The following ATXN7 variants were observed in gnomAD, a reference collection of about 807,000 sequenced individuals.
The protein encoded by ATXN7 is ataxin 7.
A neutral mutation model predicts 70.5 loss-of-function variants in ATXN7; 12 were observed. The ratio of observed to expected loss-of-function variants is 0.17; its 90% CI spans 0.11 to 0.28. The LOEUF (loss-of-function observed/expected upper bound fraction) is 0.28. Among genes scored for constraint, ATXN7 ranks in the 10% least tolerant of loss-of-function variants. The probability of loss-of-function intolerance (pLI) is 1.00; values close to 1 mark genes in which losing one functional copy is unlikely to be tolerated. For missense variants in ATXN7, 1,256 were observed against 1,131.7 expected, an observed-to-expected ratio of 1.11 and a Z score of -1.58; for synonymous variants, 498 against 448.7, an observed-to-expected ratio of 1.11 and a Z score of -1.39.
intron 5 of ATXN7, among the ~76,000 whole-genome samples, chr3:63,955,109 C>T (rs1024733643): frequency 3.9e-5 from 6 of 152,148 alleles, no homozygotes; most frequent in African/African-American, 1.4e-4. Context: ...AATGACAAAG[C>T]GTTGGTGATA....
rs1044828551 is a variant in ATXN7, at chr3:63,877,235, C to T, written c.-111+13077C>T. 4.6e-5 allele frequency among the ~76,000 whole-genome samples: 7 copies of T among 151,900 alleles called. No individual in the cohort carries two copies. In the South Asian group the frequency reaches 8.3e-4, roughly 18 times the overall value. On this transcript the variant is annotated intron_variant, in intron 1 of 12. Transcript: ENST00000674280. Reference sequence around the variant, plus strand: ...CAGAGGTTTTTGTTTAATTTTTTTTCGTGATTACAGAAATCATAAGTGTTT... The same window carrying T: ...CAGAGGTTTTTGTTTAATTTTTTTTTGTGATTACAGAAATCATAAGTGTTT...
At chr3:63,867,407 T>G (rs558756688) in intron 1 of ATXN7, among the ~76,000 whole-genome samples, 198 of 152,298 alleles carry the variant, frequency 1.3e-3, no homozygotes, top group African/African-American at 4.6e-3. Context: ...TGCATGAAAC[T>G]GGCTCACTGC....
intron 4 of ATXN7, among the ~76,000 whole-genome samples, chr3:63,918,929 C>T (rs1402303022): frequency 2.0e-5 from 3 of 152,156 alleles, no homozygotes; most frequent in African/African-American, 7.2e-5. Flanking sequence ...AGATGAGAAT[C>T]AGCGTGGCCG....
chr3:63,970,768 C>T (rs2075298384), intron 5 of ATXN7, among the ~76,000 whole-genome samples: 1 of 152,174 alleles, frequency 6.6e-6, no homozygotes, highest in South Asian at 2.1e-4. Context: ...GAGTCGTTCT[C>T]CCTTGTAATC....
chr3:63,952,471 C>G lies in ATXN7; in HGVS notation c.487C>G (p.Gln163Glu). The change falls in exon 5 of 13, where the codon CAA (glutamine) becomes GAA (glutamate). Residue 163 changes from glutamine (Q) to glutamate (E), a missense_variant. Physicochemically the swap from Gln to Glu is conservative, Grantham distance 29 (BLOSUM62 2). Coordinates refer to ENST00000674280, the MANE Select transcript of ATXN7 (RefSeq NM_001377405.1). ...TCAGGTTGTCAAACCGCAGGCATTT[C>G]AATCACATTATGGTAAGTGCTTAAC... ...CNQVVKPQAF[Q>E]SHYERRHSSS... 6.2e-7 allele frequency: 1 copy of G among 1,608,490 alleles called. No individual in the cohort carries two copies. Among genetic ancestry groups the G allele is most frequent in the Non-Finnish European group, 8.5e-7 (1 of 1,176,484 alleles).
intron 11 of ATXN7, among the ~76,000 whole-genome samples, chr3:63,993,976 T>C (rs2075713709): frequency 6.6e-6 from 1 of 152,160 alleles, no homozygotes; most frequent in Non-Finnish European, 1.5e-5. Flanking sequence ...AGGTAATTAA[T>C]GACACTGCCT....
At chr3:63,978,169 A>C (rs1038514526) in intron 5 of ATXN7, among the ~76,000 whole-genome samples, 3 of 152,194 alleles carry the variant, frequency 2.0e-5, no homozygotes, top group African/African-American at 7.2e-5. Flanking sequence ...TGCCTAGTCC[A>C]CACCCCAAAC....
chr3:63,975,030 A>C (rs912519135), intron 5 of ATXN7, among the ~76,000 whole-genome samples: 1 of 152,218 alleles, frequency 6.6e-6, no homozygotes, highest in African/African-American at 2.4e-5. Context: ...TCAGCCAGTT[A>C]CAGTTTTCTG....
At chr3:63,863,682 G>T, upstream of ATXN7, 1 of 1,237,830 alleles carries the variant, frequency 8.1e-7, no homozygotes, top group Non-Finnish European at 1.0e-6. Context: ...AGGCCGAGGG[G>T]TTCCCGGAAG....
intron 1 of ATXN7, among the ~76,000 whole-genome samples, chr3:63,875,958 CT>C (rs1702738208): frequency 6.6e-6 from 1 of 152,164 alleles, no homozygotes; most frequent in Non-Finnish European, 1.5e-5. Flanking sequence ...ACTTCTGTAG[CT>C]TTTGGAACCT....
At chr3:63,946,659 A>AT (rs59124806) in intron 4 of ATXN7, among the ~76,000 whole-genome samples, 1 of 149,956 alleles carries the variant, frequency 6.7e-6, no homozygotes, top group Admixed American at 6.7e-5. Flanking sequence ...AAAAAAAAAA[A>AT]GGAATTTTAG....
chr3:63,872,988 A>G (rs539860164), intron 1 of ATXN7, among the ~76,000 whole-genome samples: 24 of 152,200 alleles, frequency 1.6e-4, no homozygotes, highest in Admixed American at 6.5e-4. Context: ...TCCCATCACT[A>G]AAGAACTTGC....
chr3:63,966,450 T>C (rs1384900970), intron 5 of ATXN7, among the ~76,000 whole-genome samples: 1 of 152,212 alleles, frequency 6.6e-6, no homozygotes, highest in Non-Finnish European at 1.5e-5. Context: ...TAAAAAGATT[T>C]GGGAGATGTA....
Position 63,946,041 on chromosome 3 carries a change from G to A in ATXN7, c.395-6338G>A, listed in dbSNP as rs552243465. On this transcript the variant is annotated intron_variant, in intron 4 of 12. Transcript: ENST00000674280. The stretch of plus-strand genomic sequence containing the variant: ...GCTTTTATCCTAAGAGCAACTGAAA[G>A]CTACAGAAAAGTTCCAAATGCCAGT... Among the ~76,000 whole-genome samples, 3 of 152,318 alleles carry A rather than the reference G, an allele frequency of 2.0e-5. No individual in the cohort carries two copies. The South Asian group carries it at 6.2e-4, about 32-fold the overall frequency.
intron 4 of ATXN7, among the ~76,000 whole-genome samples, chr3:63,930,533 T>G (rs1019029029): frequency 3.3e-4 from 19 of 57,122 alleles, no homozygotes; most frequent in African/African-American, 2.9e-3. Context: ...GAGTTTACAA[T>G]TTTTTTTTTT....
At chr3:63,956,842 A>C (rs1390506267) in intron 5 of ATXN7, among the ~76,000 whole-genome samples, 1 of 152,220 alleles carries the variant, frequency 6.6e-6, no homozygotes, top group Non-Finnish European at 1.5e-5. Flanking sequence ...TATGTGCTGC[A>C]AATGTCACAT....
chr3:63,876,542 A>G (rs1382294231), intron 1 of ATXN7, among the ~76,000 whole-genome samples: 1 of 152,208 alleles, frequency 6.6e-6, no homozygotes, highest in Non-Finnish European at 1.5e-5. Flanking sequence ...TTTCAACACT[A>G]CAAGACAGTG....
rs555112685 is a variant in ATXN7, at chr3:63,884,435, A to G, written c.-110-13964A>G. Reference sequence around the variant, plus strand: ...AATGTAAATAAAATATACAGTATATATATTTTTAAAGGCTCATATAAACAT... The same window carrying G: ...AATGTAAATAAAATATACAGTATATGTATTTTTAAAGGCTCATATAAACAT... On this transcript the variant is annotated intron_variant, in intron 1 of 12. Coordinates refer to ENST00000674280, the MANE Select transcript of ATXN7 (RefSeq NM_001377405.1). Among the ~76,000 whole-genome samples, 12 of 152,300 alleles carry G rather than the reference A, an allele frequency of 7.9e-5. 1 individual carries two copies. In the South Asian group the frequency reaches 2.5e-3, roughly 32 times the overall value.
chr3:63,873,734 CCTT>C (rs1702664779), intron 1 of ATXN7: 1 of 152,222 alleles, frequency 6.6e-6, no homozygotes, highest in African/African-American at 2.4e-5. Context: ...AACAAGCTGT[CCTT>C]CTGTCACCTA....
Sources: gnomAD v4.1 joint callset for allele counts (sites outside exome capture counted in the v4.1 genomes callset) on GRCh38, gnomAD v4.1.1 for gene constraint, MANE v1.5 for transcripts, NCBI Gene and HGNC (gene_info 2026-07-23, HGNC 2026-07-21) for gene names.